ZNF875: variants seen among roughly 807,000 people sequenced by gnomAD.
ZNF875 encodes HKR1, GLI-Kruppel zinc finger family member.
In ZNF875, 14 loss-of-function variants were observed where a neutral mutation model predicts 11.2. The observed-to-expected ratio is 1.26, with a 90% confidence interval of 0.83 to 1.96. ZNF875 has a LOEUF of 1.96. Among genes scored for constraint, ZNF875 ranks in the 30% most tolerant of loss-of-function variants. The pLI, the probability that ZNF875 is intolerant of heterozygous loss-of-function variation, is 0.00. For missense variants in ZNF875, 752 were observed against 760.4 expected, an observed-to-expected ratio of 0.99 and a Z score of 0.13; for synonymous variants, 301 against 281.1, an observed-to-expected ratio of 1.07 and a Z score of -0.71.
In ZNF875 at chr19:37,343,204, G is replaced by C. The variant is rs2036094494; in HGVS notation, c.34-3986G>C. Among the ~76,000 whole-genome samples the C allele has an allele frequency of 2.0e-5, 3 of 151,988 alleles. No individual in the cohort carries two copies. The South Asian group carries it at 6.2e-4, about 32-fold the overall frequency. ...ATACAAAAATTAGCCGGGTGTGGTG[G>C]TACACACCTGTAGTCCCAGCTACTT... On this transcript the variant is annotated intron_variant, in intron 2 of 4. Coordinates refer to ENST00000392153, the MANE Select transcript of ZNF875 (RefSeq NM_001353803.2).
chr19:37,318,768 G>C (rs968093545), intron 1 of ZNF875, among the ~76,000 whole-genome samples: 4 of 151,994 alleles, frequency 2.6e-5, no homozygotes, highest in Non-Finnish European at 4.4e-5. Flanking sequence ...TGATCCTCCC[G>C]CCTCTGCCTC....
chr19:37,321,974 A>G (rs1320649092), intron 1 of ZNF875, among the ~76,000 whole-genome samples: 1 of 152,174 alleles, frequency 6.6e-6, no homozygotes, highest in Non-Finnish European at 1.5e-5. Context: ...AGTATATGGC[A>G]TTATTCTGAG....
intron 4 of ZNF875, chr19:37,328,747 A>G (rs771615796): frequency 6.6e-6 from 1 of 152,166 alleles, no homozygotes; most frequent in Non-Finnish European, 1.5e-5. Context: ...TCTCTACTTG[A>G]TGGAGCACTC....
intron 2 of ZNF875, 71 bp downstream of exon 2, chr19:37,335,328 GC>G: frequency 1.5e-6 from 1 of 651,298 alleles, no homozygotes; most frequent in Non-Finnish European, 2.8e-6. Flanking sequence ...TGTCCTGGAG[GC>G]TGCCTTGTTG....
At chr19:37,356,430 T>G (rs187134675) in intron 4 of ZNF875, among the ~76,000 whole-genome samples, 11 of 152,296 alleles carry the variant, frequency 7.2e-5, no homozygotes, top group South Asian at 2.1e-4. Flanking sequence ...ACATCTGTTT[T>G]TTTGTTTGTT....
chr19:37,334,627 G>T (rs1327139947), upstream of ZNF875: 4 of 454,762 alleles, frequency 8.8e-6, no homozygotes, highest in African/African-American at 2.0e-5. Flanking sequence ...ACCCTTCAGT[G>T]TGTAGCGTTG....
At chr19:37,315,478 G>C (rs574910333), upstream of ZNF875, 1 of 152,206 alleles carries the variant, frequency 6.6e-6, no homozygotes, top group African/African-American at 2.4e-5. Flanking sequence ...CTGGAGATTC[G>C]AGTCCAGGAG....
intron 4 of ZNF875, among the ~76,000 whole-genome samples, chr19:37,361,449 C>CCTT (rs1041539443): frequency 1.3e-5 from 2 of 152,042 alleles, no homozygotes; most frequent in Admixed American, 1.3e-4. Flanking sequence ...TTCTCCTTTT[C>CCTT]CTTCTCCTCC....
At chr19:37,344,846 G>T in intron 2 of ZNF875, 2 of 907,256 alleles carry the variant, frequency 2.2e-6, no homozygotes, top group South Asian at 1.3e-5. Context: ...TTTTCAAGGG[G>T]TGTATGTGTG....
upstream of ZNF875, among the ~76,000 whole-genome samples, chr19:37,313,912 T>A (rs139504739): frequency 0.011 from 1,689 of 152,300 alleles, 31 homozygotes; most frequent in African/African-American, 0.038. Flanking sequence ...TGCCTATCCC[T>A]TATTGAGTCC....
chr19:37,363,564 C>G lies in ZNF875; in HGVS notation c.1712C>G (p.Ala571Gly), dbSNP rs919476532. Residue 571 changes from alanine (A) to glycine (G), a missense_variant, in exon 5 of 5, where the codon GCT (alanine) becomes GGT (glycine). Coordinates refer to ENST00000392153, the MANE Select transcript of ZNF875 (RefSeq NM_001353803.2). ...AGGGAGTGTGGGCAAGGCTTTTGTG[C>G]TAAGTTAACTCTCATTAAACACCAG... ...VCRECGQGFC[A>G]KLTLIKHQRA... 2 of 1,611,566 alleles carry G rather than the reference C, an allele frequency of 1.2e-6. No homozygotes were observed. Among genetic ancestry groups the G allele is most frequent in the Admixed American group, 3.3e-5 (2 of 59,798 alleles).
chr19:37,344,773 C>T lies in ZNF875; in HGVS notation c.34-2417C>T, dbSNP rs746198897. On this transcript the variant is annotated intron_variant, in intron 2 of 4. Transcript: ENST00000392153. ...AGTTGTTCCGGGGCTGGAGGAATAA[C>T]GGTTGTATTAAATGTGTTAAAGTAA... 19 of 1,533,822 alleles carry T rather than the reference C, an allele frequency of 1.2e-5. No homozygotes were observed. The highest frequency in any genetic ancestry group is 1.7e-5 in the Admixed American group (1 of 59,896).
chr19:37,336,912 TA>T (rs2034574746), intron 2 of ZNF875, among the ~76,000 whole-genome samples: 1 of 151,800 alleles, frequency 6.6e-6, no homozygotes, highest in African/African-American at 2.4e-5. Flanking sequence ...CATCTCAAAA[TA>T]AATAAATAAA....
chr19:37,332,017 A>G (rs2033479922), upstream of ZNF875, among the ~76,000 whole-genome samples: 2 of 119,614 alleles, frequency 1.7e-5, no homozygotes, highest in African/African-American at 5.9e-5. Flanking sequence ...GGGCAGCAAT[A>G]CTGCTTTGTA....
At chr19:37,315,563 A>G (rs1372149420), upstream of ZNF875, 1 of 152,092 alleles carries the variant, frequency 6.6e-6, no homozygotes, top group Non-Finnish European at 1.5e-5. Flanking sequence ...GAAAATTTAA[A>G]ATGTTCCCTC....
intron 4 of ZNF875, chr19:37,359,499 G>C: frequency 7.0e-6 from 2 of 285,892 alleles, no homozygotes; most frequent in South Asian, 5.5e-5. Flanking sequence ...TGCCTCCTGG[G>C]TTCAAGCAAT....
At chr19:37,317,311 C>G (rs1599839663), upstream of ZNF875, among the ~76,000 whole-genome samples, 1 of 147,196 alleles carries the variant, frequency 6.8e-6, no homozygotes. Flanking sequence ...TCAGCCTCTC[C>G]GAGTAGCTGG....
At chr19:37,353,133 C>G (rs1004776494) in intron 4 of ZNF875, among the ~76,000 whole-genome samples, 1 of 152,164 alleles carries the variant, frequency 6.6e-6, no homozygotes, top group African/African-American at 2.4e-5. Context: ...CTCAGCCTCC[C>G]AAAGTGTTCA....
At chr19:37,323,983 G>A (rs1320504921) in intron 3 of ZNF875, among the ~76,000 whole-genome samples, 1 of 152,202 alleles carries the variant, frequency 6.6e-6, no homozygotes, top group Non-Finnish European at 1.5e-5. Context: ...AGCGCTTGAT[G>A]GTTTGGTGGT....
Sources: allele counts gnomAD v4.1 joint callset (sites outside exome capture counted in the v4.1 genomes callset), GRCh38; gene constraint gnomAD v4.1.1; transcripts MANE v1.5; gene names NCBI Gene and HGNC (gene_info 2026-07-23, HGNC 2026-07-21).